MSI2: variants seen among roughly 807,000 people sequenced by gnomAD.
MSI2 encodes the protein RNA-binding protein Musashi homolog 2.
A neutral mutation model predicts 45.6 loss-of-function variants in MSI2; 17 were observed. The ratio of observed to expected loss-of-function variants is 0.37; its 90% CI spans 0.26 to 0.56. The LOEUF (loss-of-function observed/expected upper bound fraction) is 0.56. Ranked by LOEUF, MSI2 falls within the 20% of genes least tolerant of loss-of-function variation. The probability of loss-of-function intolerance (pLI) is 0.77; values close to 1 mark genes in which losing one functional copy is unlikely to be tolerated. For missense variants in MSI2, 293 were observed against 444.2 expected, an observed-to-expected ratio of 0.66 and a Z score of 3.06; for synonymous variants, 156 against 158.2, an observed-to-expected ratio of 0.99 and a Z score of 0.11.
chr17:57,639,489 G>A (rs1017436298), intron 10 of MSI2, among the ~76,000 whole-genome samples: 5 of 152,230 alleles, frequency 3.3e-5, no homozygotes, highest in African/African-American at 1.2e-4. Context: ...TTGTGAGCCG[G>A]GGATGCTGAC....
intron 6 of MSI2, among the ~76,000 whole-genome samples, chr17:57,465,233 G>A (rs929290494): frequency 3.3e-5 from 5 of 152,064 alleles, no homozygotes; most frequent in Admixed American, 1.3e-4. Flanking sequence ...AAGCCAAGGC[G>A]GGTGGATCAC....
chr17:57,410,350 T>C (rs950612425), intron 6 of MSI2, among the ~76,000 whole-genome samples: 1 of 152,110 alleles, frequency 6.6e-6, no homozygotes, highest in Non-Finnish European at 1.5e-5. Context: ...CCTTCTTCAT[T>C]TAATCCAGCT....
intron 5 of MSI2, among the ~76,000 whole-genome samples, chr17:57,290,279 T>G (rs985768535): frequency 6.6e-6 from 1 of 152,190 alleles, no homozygotes; most frequent in Non-Finnish European, 1.5e-5. Context: ...TTAATTATAT[T>G]ATCATTGGTT....
At chr17:57,442,041 A>AT (rs34318112) in intron 6 of MSI2, among the ~76,000 whole-genome samples, 54,179 of 143,204 alleles carry the variant, frequency 0.38, 10,338 homozygotes, top group South Asian at 0.4. Flanking sequence ...AACACAGCTG[A>AT]TTTTTTTTTT....
chr17:57,643,238 G>T (rs932453035), intron 10 of MSI2, among the ~76,000 whole-genome samples: 1 of 152,216 alleles, frequency 6.6e-6, no homozygotes, highest in African/African-American at 2.4e-5. Flanking sequence ...CACCCCCTAC[G>T]AGTGGGATGA....
chr17:57,582,111 G>A (rs1251042165), intron 7 of MSI2, among the ~76,000 whole-genome samples: 1 of 152,120 alleles, frequency 6.6e-6, no homozygotes, highest in Non-Finnish European at 1.5e-5. Flanking sequence ...CCTTCTTGGT[G>A]TGGGGAGGGG....
chr17:57,369,002 G>T (rs190494627), intron 5 of MSI2, among the ~76,000 whole-genome samples: 2 of 152,132 alleles, frequency 1.3e-5, no homozygotes, highest in Admixed American at 6.5e-5. Flanking sequence ...CTCACCATGA[G>T]ATTTTTTTCT....
chr17:57,304,409 T>C (rs1193673216), intron 5 of MSI2, among the ~76,000 whole-genome samples: 1 of 147,548 alleles, frequency 6.8e-6, no homozygotes, highest in Non-Finnish European at 1.5e-5. Context: ...ACTATCAGGA[T>C]AAAGAGTAAT....
rs554305137 is a variant in MSI2, at chr17:57,455,661, G to A, written c.405+54190G>A. Among the ~76,000 whole-genome samples, 15 of 152,280 alleles carry A rather than the reference G, an allele frequency of 9.9e-5. No homozygotes were observed. The East Asian group carries it at 2.7e-3, about 27-fold the overall frequency. Reference sequence around the variant, plus strand: ...TTGAGAGATGTGGGGAGCAGGGGCCGAGACAGCAGGAGAGCGAGGGCAGCA... The same window carrying A: ...TTGAGAGATGTGGGGAGCAGGGGCCAAGACAGCAGGAGAGCGAGGGCAGCA... On this transcript the variant is annotated intron_variant, in intron 6 of 13. Transcript: ENST00000284073.
chr17:57,653,867 T>C (rs12943284), intron 11 of MSI2, among the ~76,000 whole-genome samples: 123,830 of 151,076 alleles, frequency 0.82, 51,393 homozygotes, highest in African/African-American at 0.93. Context: ...TCTCATGGAC[T>C]CCCAGAGCCA....
intron 5 of MSI2, among the ~76,000 whole-genome samples, chr17:57,313,070 C>T (rs1220054164): frequency 6.6e-6 from 1 of 152,158 alleles, no homozygotes; most frequent in East Asian, 1.9e-4. Context: ...TGGTCTTGAT[C>T]TCTGGACCTC....
intron 6 of MSI2, among the ~76,000 whole-genome samples, chr17:57,502,199 G>A (rs998713156): frequency 2.0e-5 from 3 of 152,128 alleles, no homozygotes; most frequent in Non-Finnish European, 1.5e-5. Context: ...TAACATTTAT[G>A]GAATAGGCCA....
chr17:57,617,758 AC>A (rs1184385508), intron 9 of MSI2, among the ~76,000 whole-genome samples: 1 of 151,654 alleles, frequency 6.6e-6, no homozygotes, highest in East Asian at 1.9e-4. Flanking sequence ...ACATAGCAAG[AC>A]CCCCTCTCTA....
In MSI2 at chr17:57,627,161, G is replaced by A. The variant is rs1046400419; in HGVS notation, c.653-68G>A. On this transcript the variant is annotated intron_variant, in intron 9 of 13. Transcript: ENST00000284073. This position sits in a 1 kb window ranked among gnomAD's most constrained non-coding sequence, Gnocchi z 4.6. ...CAGGCTTTCCTCATTGCCACCCTCC[G>A]TGAGATTTTACCCCAGACCTGAGGC... The A allele has an allele frequency of 8.7e-5, 121 of 1,392,492 alleles. No homozygotes were observed. The Admixed American group carries it at 1.3e-3, about 15-fold the overall frequency. The allele number at this position is 1,392,492 out of a possible 1,614,324, so 86.3% of individuals were successfully genotyped here.
chr17:57,695,020 C>T, the MSI2 span, among the ~76,000 whole-genome samples: 94 of 152,344 alleles, frequency 6.2e-4, no homozygotes, highest in South Asian at 1.2e-3. Flanking sequence ...AAATTGAACC[C>T]TTTGGTTTCA....
intron 6 of MSI2, among the ~76,000 whole-genome samples, chr17:57,486,027 A>G (rs1005051569): frequency 6.6e-6 from 1 of 152,236 alleles, no homozygotes; most frequent in Non-Finnish European, 1.5e-5. Context: ...GGTTTCGCCA[A>G]CCAGGCTCAT....
At chr17:57,700,378 G>A in the MSI2 span, among the ~76,000 whole-genome samples, 426 of 152,330 alleles carry the variant, frequency 2.8e-3, 9 homozygotes, top group Admixed American at 0.022. Flanking sequence ...GTGCTTTGAA[G>A]TCTCGCACTA....
chr17:57,462,992 G>C (rs1449009859), intron 6 of MSI2, among the ~76,000 whole-genome samples: 2 of 152,264 alleles, frequency 1.3e-5, no homozygotes, highest in African/African-American at 4.8e-5. Context: ...GTCAGTGGAG[G>C]CCATGGGGCC....
At chr17:57,698,360 C>A in the MSI2 span, among the ~76,000 whole-genome samples, 1 of 152,228 alleles carries the variant, frequency 6.6e-6, no homozygotes, top group Non-Finnish European at 1.5e-5. Context: ...CGCTGTGGGG[C>A]ACCAGAGTGT....
Sources: gnomAD v4.1 joint callset for allele counts (sites outside exome capture counted in the v4.1 genomes callset) on GRCh38, gnomAD v4.1.1 for gene constraint, Gnocchi (gnomAD v3.1) non-coding constraint, MANE v1.5 for transcripts, NCBI Gene and HGNC (gene_info 2026-07-23, HGNC 2026-07-21) for gene names.